The following HCRTR2 variants were observed in gnomAD, a reference collection of about 807,000 sequenced individuals.
HCRTR2 encodes hypocretin receptor 2, also known as orexin receptor type 2.
A neutral mutation model predicts 49.0 loss-of-function variants in HCRTR2; 22 were observed. That is an observed-to-expected ratio of 0.45 (90% confidence interval 0.32 to 0.64). The LOEUF (loss-of-function observed/expected upper bound fraction) is 0.64, where lower values mean the gene tolerates loss of function less well. HCRTR2 is among the 30% of genes least tolerant of loss of function. The pLI is 0.04. For missense variants in HCRTR2, 491 were observed against 559.4 expected (o/e 0.88, Z 1.23); for synonymous variants, 236 against 205.3 (o/e 1.15, Z -1.28).
At chr6:55,170,049 G>GAA (rs11394115), upstream of HCRTR2, among the ~76,000 whole-genome samples, 33 of 149,732 alleles carry the variant, frequency 2.2e-4, no homozygotes, top group Non-Finnish European at 3.3e-4. Flanking sequence ...TAACCACCAA[G>GAA]AAAAAAAAAT....
intron 1 of HCRTR2, among the ~76,000 whole-genome samples, chr6:55,138,445 T>C (rs1322125309): frequency 1.3e-5 from 2 of 152,220 alleles, no homozygotes; most frequent in African/African-American, 4.8e-5. Flanking sequence ...ATTAGTTCCT[T>C]GAATGTAAAT....
chr6:55,175,313 G>A (rs1319364685), intron 1 of HCRTR2, among the ~76,000 whole-genome samples: 1 of 152,176 alleles, frequency 6.6e-6, no homozygotes, highest in African/African-American at 2.4e-5. Flanking sequence ...TTGGCGAGGA[G>A]GTTTAGTCTC....
chr6:55,194,585 A>G (rs764670315), intron 1 of HCRTR2, among the ~76,000 whole-genome samples: 27 of 152,116 alleles, frequency 1.8e-4, no homozygotes, highest in Non-Finnish European at 3.4e-4. Flanking sequence ...TTTCTACTTC[A>G]CCATCAATAC....
chr6:55,267,548 T>C (rs1225315650), intron 4 of HCRTR2, among the ~76,000 whole-genome samples: 3 of 152,120 alleles, frequency 2.0e-5, no homozygotes, highest in Non-Finnish European at 4.4e-5. Context: ...AGACCCTTCA[T>C]ATAATTCAAC....
At chr6:55,201,158 T>C (rs1236945026) in intron 1 of HCRTR2, among the ~76,000 whole-genome samples, 1 of 152,144 alleles carries the variant, frequency 6.6e-6, no homozygotes, top group Non-Finnish European at 1.5e-5. Context: ...TTTAAACTTT[T>C]TGGATTTTGG....
intron 1 of HCRTR2, among the ~76,000 whole-genome samples, chr6:55,212,145 T>C (rs766072947): frequency 3.3e-5 from 5 of 152,146 alleles, no homozygotes; most frequent in Non-Finnish European, 7.4e-5. Flanking sequence ...GTGCGAAGAT[T>C]GAGAATGAAA....
chr6:55,272,934 G>T (rs1424452339), intron 4 of HCRTR2, among the ~76,000 whole-genome samples: 2 of 151,014 alleles, frequency 1.3e-5, no homozygotes, highest in Non-Finnish European at 1.5e-5. Flanking sequence ...AGTTGGACAG[G>T]GGCAGGAGGC....
chr6:55,210,812 G>T (rs1352156595), intron 1 of HCRTR2, among the ~76,000 whole-genome samples: 1 of 152,102 alleles, frequency 6.6e-6, no homozygotes, highest in Non-Finnish European at 1.5e-5. Context: ...AAACGATTTT[G>T]TTGGGTACAA....
intron 1 of HCRTR2, among the ~76,000 whole-genome samples, chr6:55,234,689 TA>T (rs1322574171): frequency 1.3e-5 from 2 of 152,096 alleles, no homozygotes; most frequent in African/African-American, 4.8e-5. Flanking sequence ...ACTCAAAAAG[TA>T]CGAAATGTTG....
At chr6:55,149,836 A>G (rs896135018) in intron 1 of HCRTR2, among the ~76,000 whole-genome samples, 7 of 152,080 alleles carry the variant, frequency 4.6e-5, no homozygotes, top group African/African-American at 1.7e-4. Context: ...AGACAAATGT[A>G]CTTGGCTTTC....
chr6:55,222,701 T>G (rs1765921912), intron 1 of HCRTR2, among the ~76,000 whole-genome samples: 6 of 152,126 alleles, frequency 3.9e-5, no homozygotes, highest in Admixed American at 3.9e-4. Context: ...AAATACTGCA[T>G]GAATATACTT....
intron 4 of HCRTR2, among the ~76,000 whole-genome samples, chr6:55,264,441 C>T (rs1766825892): frequency 6.6e-6 from 1 of 152,058 alleles, no homozygotes; most frequent in African/African-American, 2.4e-5. Context: ...AAATACATAT[C>T]ATGAACTTTT....
At chr6:55,135,485 A>G (rs977132775) in intron 1 of HCRTR2, among the ~76,000 whole-genome samples, 3 of 152,086 alleles carry the variant, frequency 2.0e-5, no homozygotes, top group African/African-American at 7.2e-5. Context: ...AAGTTGCCCA[A>G]AAACCCATTT....
At position 55,174,820 on chromosome 6, in the gene HCRTR2, C is replaced by T. The variant is rs773609845; in HGVS notation, c.223+10C>T. ...ATTGGGAACGTCCTGGGTGAGTCTC[C>T]TCCCGGGCAGCCCTCCTAGGGGCTA... On this transcript the variant is annotated intron_variant, in intron 1 of 6. Transcript: ENST00000370862. The T allele has an allele frequency of 6.2e-7, 1 of 1,612,552 alleles. No individual in the cohort carries two copies. The highest frequency in any genetic ancestry group is 1.1e-5 in the South Asian group (1 of 91,044).
intron 5 of HCRTR2, 142 bp from the exon 6 acceptor site, chr6:55,280,181 C>G: frequency 1.6e-6 from 1 of 632,100 alleles, no homozygotes; most frequent in Non-Finnish European, 2.8e-6. Flanking sequence ...TATTCTAAAC[C>G]AATTATGGGG....
chr6:55,277,042 C>T (rs897266094), intron 4 of HCRTR2, among the ~76,000 whole-genome samples: 11 of 152,120 alleles, frequency 7.2e-5, no homozygotes, highest in African/African-American at 2.7e-4. Context: ...AACAAAAATT[C>T]CTAATAAGAT....
chr6:55,280,607 T>A (rs1581876355), intron 6 of HCRTR2, 163 bp downstream of exon 6: 1 of 346,418 alleles, frequency 2.9e-6, no homozygotes, highest in South Asian at 1.2e-4. Context: ...AAGTATTTGT[T>A]ACTGAACTCA....
At chr6:55,216,689 C>G (rs959548011) in intron 1 of HCRTR2, among the ~76,000 whole-genome samples, 5 of 152,184 alleles carry the variant, frequency 3.3e-5, no homozygotes, top group Non-Finnish European at 5.9e-5. Flanking sequence ...TTGCTGTGCT[C>G]AGAACACACT....
chr6:55,234,215 A>C (rs1016987172), intron 1 of HCRTR2, among the ~76,000 whole-genome samples: 1 of 152,172 alleles, frequency 6.6e-6, no homozygotes, highest in African/African-American at 2.4e-5. Context: ...TAAATTCTCT[A>C]ACATCAAAAA....
Sources: gnomAD v4.1 joint callset for allele counts (sites outside exome capture counted in the v4.1 genomes callset) on GRCh38, gnomAD v4.1.1 for gene constraint, MANE v1.5 for transcripts, NCBI Gene and HGNC (gene_info 2026-07-23, HGNC 2026-07-21) for gene names.